MB21D2: variants seen among roughly 807,000 people sequenced by gnomAD.
MB21D2 encodes the protein nucleotidyltransferase MB21D2.
In MB21D2, 9 loss-of-function variants were observed where a neutral mutation model predicts 33.3. The observed-to-expected ratio is 0.27, with a 90% CI of 0.16 to 0.47. The LOEUF (loss-of-function observed/expected upper bound fraction) is 0.47, where lower values mean the gene tolerates loss of function less well. MB21D2 is among the 20% of genes least tolerant of loss of function. The probability of loss-of-function intolerance (pLI) is 0.99; values close to 1 mark genes in which losing one functional copy is unlikely to be tolerated. For synonymous variants in MB21D2, 241 were observed against 236.3 expected (o/e 1.02, Z -0.18); for missense variants, 540 against 624.6 (o/e 0.86, Z 1.44).
At chr3:192,826,134 G>T (rs896922919) in intron 1 of MB21D2, among the ~76,000 whole-genome samples, 2 of 152,176 alleles carry the variant, frequency 1.3e-5, no homozygotes, top group Non-Finnish European at 2.9e-5. Flanking sequence ...GGCAGTAGAG[G>T]AATCTCTAGG....
chr3:192,913,690 G>A (rs1269365962), intron 1 of MB21D2, among the ~76,000 whole-genome samples: 1 of 151,946 alleles, frequency 6.6e-6, no homozygotes, highest in Non-Finnish European at 1.5e-5. Context: ...AAATTAGCTG[G>A]GCACGGTGGT....
intron 1 of MB21D2, among the ~76,000 whole-genome samples, chr3:192,819,080 T>G (rs1181121618): frequency 1.3e-5 from 2 of 152,068 alleles, no homozygotes; most frequent in Non-Finnish European, 2.9e-5. Context: ...TGACTCATAG[T>G]TTTCCTGGAG....
intron 1 of MB21D2, among the ~76,000 whole-genome samples, chr3:192,896,021 G>C (rs972545347): frequency 1.3e-5 from 2 of 152,094 alleles, no homozygotes; most frequent in African/African-American, 2.4e-5. Context: ...CGGAAAAAAA[G>C]GATTTTCCAC....
At chr3:192,847,261 C>G (rs1712697729) in intron 1 of MB21D2, among the ~76,000 whole-genome samples, 1 of 152,188 alleles carries the variant, frequency 6.6e-6, no homozygotes. Flanking sequence ...GGCATAGTTT[C>G]TCCATTTAAT....
Position 192,845,584 on chromosome 3 carries a change from C to A in MB21D2, c.212-45934G>T, listed in dbSNP as rs1025189222. On this transcript the variant is annotated intron_variant, in intron 1 of 1. Coordinates refer to ENST00000392452, the MANE Select transcript of MB21D2 (RefSeq NM_178496.4). ...TTAGCCCATAATTCTCGCCTCAGCT[C>A]TGAATGTTCCACACCCTAACGGGTT... Among the ~76,000 whole-genome samples, 82 of 152,360 alleles carry A rather than the reference C, an allele frequency of 5.4e-4. 1 individual carries two copies. The highest frequency in any genetic ancestry group is 1.9e-3 in the African/African-American group (80 of 41,582).
Position 192,799,521 on chromosome 3 carries a change from T to C in MB21D2, c.341A>G (p.Tyr114Cys), listed in dbSNP as rs770066772. The change falls in exon 2 of 2, where the codon TAT (tyrosine) becomes TGT (cysteine). Residue 114 changes from tyrosine (Y) to cysteine (C), a missense_variant. By Grantham distance (194) the Tyr-to-Cys change is radical (BLOSUM62 -2). Coordinates refer to ENST00000392452, the MANE Select transcript of MB21D2 (RefSeq NM_178496.4). This position sits in a 1 kb window ranked among gnomAD's most constrained non-coding sequence, Gnocchi z 4.1. ...ELNVYARGTD[Y>C]DMDFTLLVPA... ...CACCAAGAGGGTAAAGTCCATATCA[T>C]AGTCAGTACCCCGGGCATAGACATT... The C allele has an allele frequency of 2.0e-5, 33 of 1,614,092 alleles. No individual in the cohort carries two copies. The highest frequency in any genetic ancestry group is 4.4e-5 in the South Asian group (4 of 91,084).
intron 1 of MB21D2, among the ~76,000 whole-genome samples, chr3:192,818,776 T>G (rs1711981280): frequency 2.0e-5 from 3 of 152,194 alleles, no homozygotes; most frequent in Admixed American, 6.5e-5. Context: ...TGCTGGTTTT[T>G]TTAATGCAAT....
chr3:192,831,847 C>T, intron 1 of MB21D2, among the ~76,000 whole-genome samples: 1 of 152,192 alleles, frequency 6.6e-6, no homozygotes, highest in Non-Finnish European at 1.5e-5. Flanking sequence ...GATGAAGGAA[C>T]TTGATGGGCA....
At chr3:192,801,118 T>C (rs1296104911) in intron 1 of MB21D2, among the ~76,000 whole-genome samples, 1 of 152,182 alleles carries the variant, frequency 6.6e-6, no homozygotes, top group East Asian at 1.9e-4. Context: ...TATGACTAAA[T>C]GATAAGGGAA....
chr3:192,859,196 G>A (rs1414329237), intron 1 of MB21D2, among the ~76,000 whole-genome samples: 1 of 151,962 alleles, frequency 6.6e-6, no homozygotes, highest in Non-Finnish European at 1.5e-5. Context: ...TCAATGAGAA[G>A]AGCAGCAAAA....
chr3:192,849,604 C>T (rs1306673231), intron 1 of MB21D2, among the ~76,000 whole-genome samples: 1 of 152,208 alleles, frequency 6.6e-6, no homozygotes, highest in East Asian at 1.9e-4. Flanking sequence ...GCGTGAGACA[C>T]CACACTCGGC....
At chr3:192,897,631 A>T (rs1306658770) in intron 1 of MB21D2, among the ~76,000 whole-genome samples, 1 of 152,206 alleles carries the variant, frequency 6.6e-6, no homozygotes, top group Non-Finnish European at 1.5e-5. Flanking sequence ...TGGTCAGATC[A>T]AACACATATG....
chr3:192,816,117 C>A (rs372843405), intron 1 of MB21D2, among the ~76,000 whole-genome samples: 2 of 151,874 alleles, frequency 1.3e-5, no homozygotes, highest in African/African-American at 4.8e-5. Flanking sequence ...TGAGAGACGA[C>A]GACAGATTAA....
intron 1 of MB21D2, among the ~76,000 whole-genome samples, chr3:192,898,178 A>G (rs921937716): frequency 2.0e-5 from 3 of 151,536 alleles, no homozygotes; most frequent in African/African-American, 7.3e-5. Flanking sequence ...TTTCAAAAAA[A>G]AAAACTGACA....
chr3:192,798,250 G>T lies in MB21D2; in HGVS notation c.*136C>A. Reference sequence around the variant, plus strand: ...GTTTCAGAGCCTGCACCATCCTGCAGAACCAGGAAACTTAAAATTTGTTCT... The same window carrying T: ...GTTTCAGAGCCTGCACCATCCTGCATAACCAGGAAACTTAAAATTTGTTCT... On this transcript the variant is annotated 3_prime_UTR_variant, in exon 2 of 2. Coordinates refer to ENST00000392452, the MANE Select transcript of MB21D2 (RefSeq NM_178496.4). This position sits in a 1 kb window ranked among gnomAD's most constrained non-coding sequence, Gnocchi z 4.8. The T allele has an allele frequency of 1.1e-6, 1 of 932,446 alleles. No individual in the cohort carries two copies. The highest frequency in any genetic ancestry group is 1.6e-6 in the Non-Finnish European group (1 of 629,462). 57.8% of individuals were successfully genotyped at this position (932,446 alleles called of 1,614,324 possible).
chr3:192,827,986 T>A (rs972444172), intron 1 of MB21D2, among the ~76,000 whole-genome samples: 9 of 152,086 alleles, frequency 5.9e-5, no homozygotes, highest in African/African-American at 2.2e-4. Context: ...ATAAGTCTCA[T>A]GAGATCTGAT....
intron 1 of MB21D2, among the ~76,000 whole-genome samples, chr3:192,902,783 C>T (rs902947471): frequency 6.6e-6 from 1 of 152,216 alleles, no homozygotes; most frequent in African/African-American, 2.4e-5. Flanking sequence ...GGAGGTGTTT[C>T]AGCCCATGCA....
intron 1 of MB21D2, among the ~76,000 whole-genome samples, chr3:192,870,044 T>C (rs1409650354): frequency 1.3e-5 from 2 of 152,206 alleles, no homozygotes; most frequent in Admixed American, 1.3e-4. Context: ...GCTGAATGAA[T>C]AAGGCTAATA....
At chr3:192,884,451 C>T (rs1392649338) in intron 1 of MB21D2, among the ~76,000 whole-genome samples, 1 of 151,772 alleles carries the variant, frequency 6.6e-6, no homozygotes, top group African/African-American at 2.4e-5. Flanking sequence ...ACTGCAAGCT[C>T]CGCCTCCCGG....
Sources: gnomAD v4.1 joint callset for allele counts (sites outside exome capture counted in the v4.1 genomes callset) on GRCh38, gnomAD v4.1.1 for gene constraint, Gnocchi (gnomAD v3.1) non-coding constraint, MANE v1.5 for transcripts, NCBI Gene and HGNC (gene_info 2026-07-23, HGNC 2026-07-21) for gene names.